TRAF3IP1: variants seen among roughly 807,000 people sequenced by gnomAD.
The protein encoded by TRAF3IP1 is intraflagellar transport 54, also known as TRAF3-interacting protein 1.
A neutral mutation model predicts 89.9 loss-of-function variants in TRAF3IP1; 53 were observed. That is an observed-to-expected ratio of 0.59 (90% CI 0.47 to 0.74). The LOEUF (loss-of-function observed/expected upper bound fraction) is 0.74, where lower values mean the gene tolerates loss of function less well. Ranked by LOEUF, TRAF3IP1 falls within the 30% of genes least tolerant of loss-of-function variation. TRAF3IP1 has a pLI of 0.00. For synonymous variants in TRAF3IP1, 311 were observed against 322.1 expected (o/e 0.97, Z 0.37); for missense variants, 806 against 866.1 (o/e 0.93, Z 0.87).
chr2:238,333,122 G>A (rs542372956), intron 6 of TRAF3IP1, among the ~76,000 whole-genome samples: 1 of 152,212 alleles, frequency 6.6e-6, no homozygotes, highest in Non-Finnish European at 1.5e-5. Context: ...GGCACTCCTG[G>A]GTTTACTTAT....
At chr2:238,397,173 C>A (rs984386249) in intron 15 of TRAF3IP1, among the ~76,000 whole-genome samples, 3 of 152,158 alleles carry the variant, frequency 2.0e-5, no homozygotes, top group African/African-American at 7.2e-5. Context: ...TAGAGATTTG[C>A]CCTCAGATGG....
chr2:238,328,812 G>A lies in TRAF3IP1; in HGVS notation c.481G>A (p.Val161Ile), dbSNP rs1697969522. The change falls in exon 4 of 17, where the codon GTT becomes ATT. Residue 161 changes from valine (V) to isoleucine (I), a missense_variant. Physicochemically the swap from Val to Ile is conservative, Grantham distance 29. Around this residue, in one of 3 missense-constraint regions of TRAF3IP1, gnomAD observed 732 missense variants for 780.5 expected, o/e 0.94. Coordinates refer to ENST00000373327, the MANE Select transcript of TRAF3IP1 (RefSeq NM_015650.4). ...NKNVREEESRVHKNTEDRGDA... is the reference protein window; with the variant it reads ...NKNVREEESRIHKNTEDRGDA... ...GAATGTGCGAGAAGAAGAGTCCAGAGTTCACAAAAATACAGAGGTGAATTC... is the reference window on the plus strand; with the variant it reads ...GAATGTGCGAGAAGAAGAGTCCAGAATTCACAAAAATACAGAGGTGAATTC... The A allele has an allele frequency of 6.2e-7, 1 of 1,613,310 alleles. No homozygotes were observed. The highest frequency in any genetic ancestry group is 1.1e-5 in the South Asian group (1 of 90,836).
chr2:238,344,427 A>G, intron 8 of TRAF3IP1, 70 bp from the exon 9 acceptor site: 1 of 1,219,902 alleles, frequency 8.2e-7, no homozygotes, highest in Non-Finnish European at 1.2e-6. Flanking sequence ...GCTCTATGTT[A>G]ATGAAGCCGC....
At chr2:238,392,482 A>C (rs1291044240) in intron 15 of TRAF3IP1, among the ~76,000 whole-genome samples, 3 of 152,104 alleles carry the variant, frequency 2.0e-5, no homozygotes, top group African/African-American at 7.2e-5. Flanking sequence ...TGTAAAAGGA[A>C]TCCTACAGCA....
chr2:238,338,813 CAG>C (rs955935696), intron 8 of TRAF3IP1, among the ~76,000 whole-genome samples: 1 of 152,194 alleles, frequency 6.6e-6, no homozygotes, highest in African/African-American at 2.4e-5. Context: ...TTATTCTACT[CAG>C]AAAATGCTCG....
At chr2:238,325,584 G>A (rs1329212844) in intron 2 of TRAF3IP1, among the ~76,000 whole-genome samples, 3 of 152,170 alleles carry the variant, frequency 2.0e-5, no homozygotes, top group Admixed American at 6.5e-5. Context: ...ACTGAAAAAT[G>A]GGATTAGTAT....
intron 1 of TRAF3IP1, among the ~76,000 whole-genome samples, chr2:238,323,422 A>G (rs1239100334): frequency 6.6e-6 from 1 of 152,204 alleles, no homozygotes; most frequent in African/African-American, 2.4e-5. Context: ...GAAAACCTCA[A>G]CAGGGACAAA....
rs145597289 is a variant in TRAF3IP1 at position 238,382,908 on chromosome 2, C to A, written c.1690-14551C>A. On this transcript the variant is annotated intron_variant, in intron 15 of 16. Coordinates refer to ENST00000373327, the MANE Select transcript of TRAF3IP1 (RefSeq NM_015650.4). ...TCTCTCTCCCCCAAGTTGGAAGCCA[C>A]GTGTTTTTATTAAAACTTTGATCTC... Among the ~76,000 whole-genome samples the A allele has an allele frequency of 2.7e-3, 412 of 152,260 alleles. 4 individuals carry two copies. Among genetic ancestry groups the A allele is most frequent in the African/African-American group, 9.7e-3 (402 of 41,538 alleles).
rs566457682 is a variant in TRAF3IP1 at position 238,367,856 on chromosome 2, A to G, written c.1689+11776A>G. Among the ~76,000 whole-genome samples, 7 of 152,284 alleles carry G rather than the reference A, an allele frequency of 4.6e-5. No homozygotes were observed. In the East Asian group the frequency reaches 7.7e-4, roughly 17 times the overall value. On this transcript the variant is annotated intron_variant, in intron 15 of 16. Coordinates refer to ENST00000373327, the MANE Select transcript of TRAF3IP1 (RefSeq NM_015650.4). ...CAGCACCGCGGCTCCAGCATGCCCC[A>G]GGCCCGGAGCCTGTGCCTCCCTGTC...
At chr2:238,334,168 C>A in intron 7 of TRAF3IP1, 133 bp downstream of exon 7, 1 of 696,702 alleles carries the variant, frequency 1.4e-6, no homozygotes, top group East Asian at 2.8e-5. Context: ...GAATGAACAG[C>A]GTGTGGAAAT....
At chr2:238,361,245 T>C (rs1699647610) in intron 15 of TRAF3IP1, among the ~76,000 whole-genome samples, 1 of 152,052 alleles carries the variant, frequency 6.6e-6, no homozygotes, top group South Asian at 2.1e-4. Flanking sequence ...GGTTTTGCTA[T>C]GTTAGCCAGG....
At chr2:238,349,575 C>T (rs1304183602) in intron 12 of TRAF3IP1, among the ~76,000 whole-genome samples, 167 bp downstream of exon 12, 3 of 152,290 alleles carry the variant, frequency 2.0e-5, no homozygotes, top group African/African-American at 7.2e-5. Context: ...GGCCAACAGA[C>T]ATGTCAGATG....
At position 238,344,558 on chromosome 2, in the gene TRAF3IP1, G is replaced by C; in HGVS notation, c.1221G>C (p.Arg407=). Residue 407 remains arginine (R), a synonymous_variant, in exon 9 of 17, where the codon CGG becomes CGC. Transcript: ENST00000373327. The part of the protein sequence containing the change: ...SISDDNSASL[R]CENIQPNPTE... ...CAGATGATAATTCAGCTAGTCTGCG[G>C]TGTGAGAATATTCAGCCCAACCCCA... 6.2e-7 allele frequency: 1 copy of C among 1,614,182 alleles called. No homozygotes were observed. The highest frequency in any genetic ancestry group is 8.5e-7 in the Non-Finnish European group (1 of 1,180,022).
chr2:238,388,489 G>T (rs1009533158), intron 15 of TRAF3IP1, among the ~76,000 whole-genome samples: 1 of 151,688 alleles, frequency 6.6e-6, no homozygotes. Flanking sequence ...TTTGGTGATG[G>T]AATATTTCTG....
chr2:238,338,280 A>T, intron 7 of TRAF3IP1, 82 bp from the exon 8 acceptor site: 1 of 816,378 alleles, frequency 1.2e-6, no homozygotes, highest in Non-Finnish European at 1.9e-6. Context: ...GGTGTAATGT[A>T]ACCCTTATAA....
chr2:238,395,742 A>T (rs1435761824), intron 15 of TRAF3IP1, among the ~76,000 whole-genome samples: 1 of 152,240 alleles, frequency 6.6e-6, no homozygotes, highest in African/African-American at 2.4e-5. Flanking sequence ...ACTTCTCAAA[A>T]GAAGACATTT....
At position 238,378,703 on chromosome 2, in the gene TRAF3IP1, T is replaced by C. The variant is rs187025229; in HGVS notation, c.1690-18756T>C. On this transcript the variant is annotated intron_variant, in intron 15 of 16. Transcript: ENST00000373327. ...TAATTTGGGACCCTGCGTTTTTTCC[T>C]GGGCCCTAGAACAGTTTAAGTCTGA... is the stretch of plus-strand genomic sequence containing the variant. Among the ~76,000 whole-genome samples, 474 of 152,298 alleles carry C rather than the reference T, an allele frequency of 3.1e-3. 1 individual carries two copies. Among genetic ancestry groups the C allele is most frequent in the Non-Finnish European group, 5.8e-3 (396 of 68,022 alleles).
At chr2:238,354,332 G>C (rs1293883979) in intron 14 of TRAF3IP1, among the ~76,000 whole-genome samples, 2 of 152,196 alleles carry the variant, frequency 1.3e-5, no homozygotes, top group African/African-American at 4.8e-5. Flanking sequence ...GCTCTGGGTT[G>C]CTTCTTGTTT....
chr2:238,338,500 A>G (rs1698489641), intron 8 of TRAF3IP1, 43 bp downstream of exon 8: 1 of 1,066,348 alleles, frequency 9.4e-7, no homozygotes, highest in Admixed American at 2.3e-5. Context: ...TCACCACTTT[A>G]ATGTGAATGG....
Sources: gnomAD v4.1 joint callset for allele counts (sites outside exome capture counted in the v4.1 genomes callset) on GRCh38, gnomAD v4.1.1 for gene constraint, gnomAD v4.1.1 regional missense constraint, MANE v1.5 for transcripts, NCBI Gene and HGNC (gene_info 2026-07-23, HGNC 2026-07-21) for gene names.